Variants in AGAP1 observed in about 807,000 individuals in gnomAD.
AGAP1 encodes the protein arf-GAP with GTPase, ANK repeat and PH domain-containing protein 1.
Under a neutral mutation model 105.3 loss-of-function variants are expected in AGAP1, and 29 were observed. The ratio of observed to expected loss-of-function variants is 0.28; its 90% confidence interval spans 0.21 to 0.38. The LOEUF (loss-of-function observed/expected upper bound fraction) is 0.38, where lower values mean the gene tolerates loss of function less well. AGAP1 is among the 10% of genes least tolerant of loss of function. The pLI is 1.00. For missense variants in AGAP1, 998 were observed against 1,165.1 expected (o/e 0.86, Z 2.09); for synonymous variants, 509 against 485.9 (o/e 1.05, Z -0.63).
intron 6 of AGAP1, among the ~76,000 whole-genome samples, chr2:235,761,697 C>T (rs886285396): frequency 6.6e-6 from 1 of 152,060 alleles, no homozygotes; most frequent in Non-Finnish European, 1.5e-5. Flanking sequence ...TCCATGGAAT[C>T]GATGATCAAA....
At chr2:235,781,556 G>A (rs1956265161) in intron 6 of AGAP1, among the ~76,000 whole-genome samples, 1 of 152,198 alleles carries the variant, frequency 6.6e-6, no homozygotes, top group Non-Finnish European at 1.5e-5. Flanking sequence ...CAAATGAAGA[G>A]TTGGGTCTTT....
chr2:235,542,221 G>A (rs879423251), intron 1 of AGAP1, among the ~76,000 whole-genome samples: 4 of 145,950 alleles, frequency 2.7e-5, no homozygotes, highest in African/African-American at 5.6e-5. Context: ...GGGTCCCGGG[G>A]GGGGGCCAGT....
chr2:235,594,490 A>G (rs1246657874), intron 1 of AGAP1, among the ~76,000 whole-genome samples: 2 of 151,568 alleles, frequency 1.3e-5, no homozygotes, highest in Non-Finnish European at 2.9e-5. Context: ...TGGGTAGAGC[A>G]TCTCTGTGGG....
At chr2:235,667,108 C>G (rs946611426) in intron 1 of AGAP1, among the ~76,000 whole-genome samples, 2 of 152,132 alleles carry the variant, frequency 1.3e-5, no homozygotes, top group African/African-American at 4.8e-5. Context: ...ATTAAAGAGG[C>G]GGGATGGCCC....
chr2:235,853,093 C>G, intron 9 of AGAP1: 1 of 1,229,834 alleles, frequency 8.1e-7, no homozygotes, highest in Non-Finnish European at 1.0e-6. Context: ...TGAGCGTTTA[C>G]GCTCTTTCTT....
intron 11 of AGAP1, among the ~76,000 whole-genome samples, chr2:235,929,870 A>G (rs58556636): frequency 0.31 from 46,408 of 152,148 alleles, 8,213 homozygotes; most frequent in East Asian, 0.44. Context: ...AAAATCCTGC[A>G]CTGTGAAAAA....
rs1439141649 is a variant in AGAP1, at chr2:236,131,776, G to C, written c.*7654G>C. On this transcript the variant is annotated 3_prime_UTR_variant, in exon 18 of 18. Transcript: ENST00000304032. The surrounding 1 kb of genome is among the most constrained non-coding windows in gnomAD (Gnocchi z 5.9). ...GGTGTAGAGACCTCTTTCTAATAAA[G>C]AAATGAAAATATGTCTACACCGCTT... 1 of 151,220 alleles carries C rather than the reference G, an allele frequency of 6.6e-6. No individual in the cohort carries two copies. The allele number at this position is 151,220 out of a possible 1,614,324, so 9.4% of individuals were successfully genotyped here.
chr2:235,868,151 T>C (rs2049271150), intron 9 of AGAP1, among the ~76,000 whole-genome samples: 1 of 139,090 alleles, frequency 7.2e-6, no homozygotes, highest in South Asian at 2.5e-4. Context: ...AATGAGCTAT[T>C]AACAATATTC....
chr2:235,926,494 T>C (rs973589986), intron 11 of AGAP1, among the ~76,000 whole-genome samples: 2 of 152,220 alleles, frequency 1.3e-5, no homozygotes, highest in Admixed American at 1.3e-4. Flanking sequence ...GCATTTACGT[T>C]GAAAGGCAGG....
intron 16 of AGAP1, among the ~76,000 whole-genome samples, chr2:236,088,864 C>T (rs2058993024): frequency 6.6e-6 from 1 of 152,194 alleles, no homozygotes. Context: ...CCTCATTCCT[C>T]ACGAGTGCTC....
At position 235,793,489 on chromosome 2, in the gene AGAP1, G is replaced by A. The variant is rs1034659619; in HGVS notation, c.674-4270G>A. Among the ~76,000 whole-genome samples, 1 of 152,192 alleles carries A rather than the reference G, an allele frequency of 6.6e-6. No homozygotes were observed. The highest frequency in any genetic ancestry group is 1.5e-5 in the Non-Finnish European group (1 of 68,036). The stretch of plus-strand genomic sequence containing the variant: ...CTGTTGGGGTGCTGGCAGGGTGTTC[G>A]ATTGCCACATGGTGGTGTCATGAGC... On this transcript the variant is annotated intron_variant, in intron 6 of 17. Coordinates refer to ENST00000304032, the MANE Select transcript of AGAP1 (RefSeq NM_001037131.3). The surrounding 1 kb of genome is among the most constrained non-coding windows in gnomAD (Gnocchi z 5.3).
chr2:236,072,810 C>G (rs1172619659), intron 16 of AGAP1, among the ~76,000 whole-genome samples: 1 of 152,034 alleles, frequency 6.6e-6, no homozygotes, highest in Non-Finnish European at 1.5e-5. Context: ...ACCTGCCATA[C>G]CACTGTCTGC....
chr2:235,844,178 A>G (rs1210124452), intron 9 of AGAP1, among the ~76,000 whole-genome samples: 2 of 152,198 alleles, frequency 1.3e-5, no homozygotes, highest in African/African-American at 4.8e-5. Flanking sequence ...GCCGGTCTGG[A>G]GCTCAGCTAG....
At chr2:235,604,572 C>CTTTTTTTTTTTTTTTTTTTTTT (rs1166523228) in intron 1 of AGAP1, among the ~76,000 whole-genome samples, 1 of 69,672 alleles carries the variant, frequency 1.4e-5, no homozygotes, top group Non-Finnish European at 2.5e-5. Context: ...TTTTTATTAT[C>CTTTTTTTTTTTTTTTTTTTTTT]TTTTTTTTTT....
chr2:235,914,855 CACCAA>C (rs2051795241), intron 11 of AGAP1, among the ~76,000 whole-genome samples: 1 of 152,206 alleles, frequency 6.6e-6, no homozygotes, highest in African/African-American at 2.4e-5. Flanking sequence ...TTGTCCCTGC[CACCAA>C]CACCCCCAGG....
chr2:235,762,327 T>C (rs916874702), intron 6 of AGAP1, among the ~76,000 whole-genome samples: 3 of 152,068 alleles, frequency 2.0e-5, no homozygotes, highest in Non-Finnish European at 4.4e-5. Flanking sequence ...CTTTGATATT[T>C]TTTGCATAGT....
chr2:235,681,077 C>T (rs1446202229), intron 1 of AGAP1, among the ~76,000 whole-genome samples: 3 of 152,114 alleles, frequency 2.0e-5, no homozygotes, highest in East Asian at 1.9e-4. Flanking sequence ...GGCGCCATCT[C>T]GGCTCACTGC....
At chr2:235,514,257 A>ATTTT (rs1262227489) in intron 1 of AGAP1, among the ~76,000 whole-genome samples, 4 of 152,242 alleles carry the variant, frequency 2.6e-5, no homozygotes, top group Non-Finnish European at 5.9e-5. Context: ...TAGATCCCAA[A>ATTTT]ATATAAATTT....
intron 1 of AGAP1, among the ~76,000 whole-genome samples, chr2:235,537,813 T>C (rs1553561757): frequency 6.6e-6 from 1 of 152,170 alleles, no homozygotes; most frequent in Non-Finnish European, 1.5e-5. Context: ...CTTGTGTGTT[T>C]TGTGTTTTTT....
Sources: gnomAD v4.1 joint callset for allele counts (sites outside exome capture counted in the v4.1 genomes callset) on GRCh38, gnomAD v4.1.1 for gene constraint, Gnocchi (gnomAD v3.1) non-coding constraint, MANE v1.5 for transcripts, NCBI Gene and HGNC (gene_info 2026-07-23, HGNC 2026-07-21) for gene names.